Variants in RYR2 observed in about 807,000 individuals in gnomAD.
The protein encoded by RYR2 is ryanodine receptor 2.
In RYR2, 227 loss-of-function variants were observed where a neutral mutation model predicts 601.1. The ratio of observed to expected loss-of-function variants is 0.38; its 90% CI spans 0.34 to 0.42. The LOEUF (loss-of-function observed/expected upper bound fraction) is 0.42. RYR2 is among the 10% of genes least tolerant of loss of function. RYR2 has a pLI of 1.00. For synonymous variants in RYR2, 2,223 were observed against 2,175.1 expected, an observed-to-expected ratio of 1.02 and a Z score of -0.61; for missense variants, 4,646 against 6,156.5, an observed-to-expected ratio of 0.75 and a Z score of 8.21.
intron 5 of RYR2, 145 bp downstream of exon 5, chr1:237,364,517 T>C (rs1355505715): frequency 2.6e-6 from 1 of 378,442 alleles, no homozygotes; most frequent in African/African-American, 2.1e-5. Flanking sequence ...GCTATATATA[T>C]GTGGTACTTT....
chr1:237,313,266 T>C (rs979890487), intron 2 of RYR2, among the ~76,000 whole-genome samples: 1 of 151,876 alleles, frequency 6.6e-6, no homozygotes. Flanking sequence ...ATATCCAGTT[T>C]CGAATTCAGG....
Position 237,773,591 on chromosome 1 carries a change from C to T in RYR2, c.11718C>T (p.Phe3906=). 6.2e-7 allele frequency: 1 copy of T among 1,609,642 alleles called. No homozygotes were observed. Among genetic ancestry groups the T allele is most frequent in the Non-Finnish European group, 8.5e-7 (1 of 1,176,326 alleles). ...DVIDEQGQRN[F]SKAIQVAKQV... is the part of the protein sequence containing the mutation. ...TTGATGAACAAGGACAACGGAATTTCTCCAAAGCTATCCAAGTGGCAAAAC... is the reference window on the plus strand; with the variant it reads ...TTGATGAACAAGGACAACGGAATTTTTCCAAAGCTATCCAAGTGGCAAAAC... The change falls in exon 87 of 105, where the codon TTC becomes TTT. Residue 3906 remains phenylalanine (F), a synonymous_variant. Transcript: ENST00000366574.
At chr1:237,251,966 A>T (rs11806340) in intron 1 of RYR2, among the ~76,000 whole-genome samples, 4,520 of 151,942 alleles carry the variant, frequency 0.03, 201 homozygotes, top group African/African-American at 0.092. Flanking sequence ...TTCCATTTTT[A>T]AAAAAAATAT....
intron 1 of RYR2, among the ~76,000 whole-genome samples, chr1:237,048,938 A>T (rs1660920126): frequency 6.6e-6 from 1 of 152,204 alleles, no homozygotes. Context: ...GCTATGAAGG[A>T]AGTAGGCAAA....
At chr1:237,213,367 G>T (rs903272377) in intron 1 of RYR2, among the ~76,000 whole-genome samples, 7 of 151,784 alleles carry the variant, frequency 4.6e-5, no homozygotes, top group African/African-American at 1.7e-4. Flanking sequence ...TTGTATAAAT[G>T]CGATCTCCCT....
intron 2 of RYR2, among the ~76,000 whole-genome samples, chr1:237,310,985 GTATC>G (rs1030075159): frequency 1.1e-4 from 17 of 152,150 alleles, no homozygotes; most frequent in African/African-American, 7.2e-5. Context: ...AATTTAGTAG[GTATC>G]TATCCTATAT....
intron 63 of RYR2, among the ~76,000 whole-genome samples, chr1:237,697,447 G>T (rs1367056486): frequency 2.2e-5 from 3 of 137,300 alleles, no homozygotes; most frequent in Admixed American, 7.7e-5. Flanking sequence ...ATATATTTAT[G>T]TAAATATATA....
intron 35 of RYR2, among the ~76,000 whole-genome samples, chr1:237,608,861 C>A (rs182900363): frequency 1.4e-5 from 2 of 142,204 alleles, no homozygotes; most frequent in Admixed American, 7.3e-5. Context: ...AGAAGCCTGA[C>A]TGATATATTC....
intron 63 of RYR2, among the ~76,000 whole-genome samples, chr1:237,695,082 A>G (rs1457078444): frequency 6.6e-6 from 1 of 152,220 alleles, no homozygotes; most frequent in African/African-American, 2.4e-5. Flanking sequence ...CAGAACTGGC[A>G]TATGATATGT....
rs56069323 is a variant in RYR2 at position 237,698,703 on chromosome 1, CTT to C, written c.9068-259_9068-258del. ...ATTATTGAAAACCTCGGTTAAAACT[CTT>C]TTAGTCTGGTGCAGTGCTTTTGAAT... is the stretch of plus-strand genomic sequence containing the variant. On this transcript the variant is annotated intron_variant, in intron 63 of 104. Coordinates refer to ENST00000366574, the MANE Select transcript of RYR2 (RefSeq NM_001035.3). Among the ~76,000 whole-genome samples the C allele has an allele frequency of 0.54, 81,759 of 151,864 alleles. 25,567 individuals carry two copies. The highest frequency in any genetic ancestry group is 0.72 in the Middle Eastern group (213 of 294).
chr1:237,758,845 G>A (rs953165762), intron 82 of RYR2, among the ~76,000 whole-genome samples: 2 of 152,164 alleles, frequency 1.3e-5, no homozygotes, highest in Admixed American at 1.3e-4. Flanking sequence ...TAGCTGTTTC[G>A]TTATGCTATG....
At chr1:237,265,912 T>C (rs1275778481) in intron 1 of RYR2, among the ~76,000 whole-genome samples, 1 of 152,244 alleles carries the variant, frequency 6.6e-6, no homozygotes, top group Non-Finnish European at 1.5e-5. Flanking sequence ...GTTAAGTCCT[T>C]CCATTTATCT....
At chr1:237,775,369 C>T (rs55864659) in intron 87 of RYR2, among the ~76,000 whole-genome samples, 4,677 of 152,132 alleles carry the variant, frequency 0.031, 217 homozygotes, top group African/African-American at 0.11. Flanking sequence ...TTTCCATTCA[C>T]GTTATTTGTT....
chr1:237,485,655 G>A (rs1194036794), intron 17 of RYR2, among the ~76,000 whole-genome samples: 1 of 152,156 alleles, frequency 6.6e-6, no homozygotes, highest in Non-Finnish European at 1.5e-5. Context: ...AGTTTCAAGA[G>A]GGCCTTGCCT....
chr1:237,077,347 C>G (rs1203184146), intron 1 of RYR2, among the ~76,000 whole-genome samples: 156 of 108,746 alleles, frequency 1.4e-3, no homozygotes, highest in African/African-American at 4.5e-3. Flanking sequence ...GATAAAGAGT[C>G]AAGACCCATC....
intron 1 of RYR2, among the ~76,000 whole-genome samples, chr1:237,083,554 A>G (rs1558202628): frequency 6.6e-6 from 1 of 152,206 alleles, no homozygotes; most frequent in East Asian, 1.9e-4. Context: ...CAGATGGTTC[A>G]GTGGGACTGA....
chr1:237,045,932 T>A (rs1558136408), intron 1 of RYR2, among the ~76,000 whole-genome samples: 1 of 146,344 alleles, frequency 6.8e-6, no homozygotes, highest in South Asian at 2.2e-4. Flanking sequence ...CTAAGCACAG[T>A]TGAGTTACCC....
chr1:237,476,153 C>G (rs1253249688), intron 17 of RYR2, among the ~76,000 whole-genome samples: 1 of 152,190 alleles, frequency 6.6e-6, no homozygotes, highest in Non-Finnish European at 1.5e-5. Flanking sequence ...GCATTCCTGC[C>G]ATTTCTTCCC....
At chr1:237,757,818 A>G in intron 82 of RYR2, 42 bp downstream of exon 82, 1 of 1,172,462 alleles carries the variant, frequency 8.5e-7, no homozygotes, top group Non-Finnish European at 1.3e-6. Context: ...TTTTCAGACA[A>G]ATGGACCATA....
Sources: gnomAD v4.1 joint callset for allele counts (sites outside exome capture counted in the v4.1 genomes callset) on GRCh38, gnomAD v4.1.1 for gene constraint, MANE v1.5 for transcripts, NCBI Gene and HGNC (gene_info 2026-07-23, HGNC 2026-07-21) for gene names.